ZFHX3: variants seen among roughly 807,000 people sequenced by gnomAD.
ZFHX3 encodes zinc finger homeobox 3.
A neutral mutation model predicts 279.1 loss-of-function variants in ZFHX3; 42 were observed. That is an observed-to-expected ratio of 0.15 (90% CI 0.12 to 0.19). ZFHX3 has a LOEUF of 0.19. ZFHX3 is among the 10% of genes least tolerant of loss of function. ZFHX3 has a pLI of 1.00. For missense variants in ZFHX3, 4,981 were observed against 4,754.0 expected (o/e 1.05, Z -1.40); for synonymous variants, 2,293 against 1,957.8 (o/e 1.17, Z -4.52).
chr16:72,853,960 A>AAAAAG (rs374264397), intron 4 of ZFHX3, among the ~76,000 whole-genome samples: 13 of 152,218 alleles, frequency 8.5e-5, no homozygotes, highest in Admixed American at 4.6e-4. Flanking sequence ...AGGAAAAAAA[A>AAAAAG]AAAAGAAAAG....
Position 72,825,236 on chromosome 16 carries a change from G to T in ZFHX3, c.3529+4543C>A, listed in dbSNP as rs1043498023. Reference sequence around the variant, plus strand: ...CGCTTTCAGACTGAGCACAACGCCAGCTCCTTACAAGACATATATCCATGG... The same window carrying T: ...CGCTTTCAGACTGAGCACAACGCCATCTCCTTACAAGACATATATCCATGG... On this transcript the variant is annotated intron_variant, in intron 5 of 9. Transcript: ENST00000268489. 4.7e-4 allele frequency among the ~76,000 whole-genome samples: 71 copies of T among 152,200 alleles called. 1 individual carries two copies. The highest frequency in any genetic ancestry group is 4.6e-3 in the Admixed American group (70 of 15,284).
chr16:73,511,838 T>C (rs2019433352), intron 2 of ZFHX3, among the ~76,000 whole-genome samples: 1 of 152,078 alleles, frequency 6.6e-6, no homozygotes, highest in Non-Finnish European at 1.5e-5. Flanking sequence ...ATTCAATAAT[T>C]TGGGTAGATG....
intron 3 of ZFHX3, among the ~76,000 whole-genome samples, chr16:73,369,840 T>TTC (rs141368995): frequency 0.2 from 28,231 of 143,568 alleles, 3,138 homozygotes; most frequent in African/African-American, 0.33. Context: ...GGATGGTCCT[T>TTC]TCTCTCTCTC....
chr16:73,594,170 AATATACTAAAT>A (rs2052026174), intron 2 of ZFHX3, among the ~76,000 whole-genome samples: 1 of 152,224 alleles, frequency 6.6e-6, no homozygotes, highest in Admixed American at 6.5e-5. Flanking sequence ...AGAGTTTGGC[AATATACTAAAT>A]CAATGGACAA....
chr16:73,688,356 C>A (rs78089049), intron 1 of ZFHX3, among the ~76,000 whole-genome samples: 149 of 103,670 alleles, frequency 1.4e-3, no homozygotes, highest in African/African-American at 1.8e-3. Flanking sequence ...GACTCCATCT[C>A]AAAAAAAAAA....
chr16:73,714,746 C>G (rs545683460), intron 1 of ZFHX3, among the ~76,000 whole-genome samples: 2 of 152,248 alleles, frequency 1.3e-5, no homozygotes, highest in South Asian at 4.2e-4. Flanking sequence ...TCCAAAATAT[C>G]CACTTCCCCT....
In ZFHX3 at chr16:72,904,573, T is replaced by A. The variant is rs4788485; in HGVS notation, c.3217-14611A>T. ...ATTTCAATCCTCCACTCCATTCCAC[T>A]TGCAATTAGACTTGTGTCAGTTCCC... is the stretch of plus-strand genomic sequence containing the variant. On this transcript the variant is annotated intron_variant, in intron 3 of 9. Transcript: ENST00000268489. 1.2e-3 allele frequency among the ~76,000 whole-genome samples: 176 copies of A among 151,766 alleles called. 1 individual carries two copies. The Middle Eastern group carries it at 0.027, about 23-fold the overall frequency.
rs1004805658 is a variant in ZFHX3 at position 73,037,025 on chromosome 16, G to A, written c.-50+10727C>T. On this transcript the variant is annotated intron_variant, in intron 1 of 9. Coordinates refer to ENST00000268489, the MANE Select transcript of ZFHX3 (RefSeq NM_006885.4). ...CTGCCCATTTCATCCTTACTGCTGC[G>A]CAAATAAAAGACCCTCACCCCACCC... is the stretch of plus-strand genomic sequence containing the variant. 5.3e-5 allele frequency among the ~76,000 whole-genome samples: 8 copies of A among 151,878 alleles called. 1 individual carries two copies. Among genetic ancestry groups the A allele is most frequent in the South Asian group, 2.1e-4 (1 of 4,792 alleles).
At chr16:73,663,556 G>A (rs1010824821) in intron 2 of ZFHX3, among the ~76,000 whole-genome samples, 7 of 152,192 alleles carry the variant, frequency 4.6e-5, no homozygotes, top group South Asian at 2.1e-4. Context: ...AAAAATAGAA[G>A]TCCTACTGGC....
At chr16:73,061,504 GATT>G (rs1303836384), upstream of ZFHX3, 1 of 147,474 alleles carries the variant, frequency 6.8e-6, no homozygotes, top group Non-Finnish European at 1.5e-5. Context: ...TCCGGTTTCT[GATT>G]ATTATTTTAA....
chr16:73,782,542 A>T (rs1402276558), intron 1 of ZFHX3, among the ~76,000 whole-genome samples: 1 of 152,146 alleles, frequency 6.6e-6, no homozygotes, highest in Non-Finnish European at 1.5e-5. Flanking sequence ...CCCCTTAGAG[A>T]ACATGAATAT....
At chr16:73,805,309 C>T (rs968479912) in intron 1 of ZFHX3, among the ~76,000 whole-genome samples, 2 of 152,132 alleles carry the variant, frequency 1.3e-5, no homozygotes, top group African/African-American at 4.8e-5. Context: ...GCTGGGATTA[C>T]AGGCACCTGC....
In ZFHX3 at chr16:72,785,164, C is replaced by CT. The variant is rs2035308489; in HGVS notation, c.*1999dup. 6.6e-6 allele frequency: 1 copy of CT among 152,608 alleles called. No homozygotes were observed. 9.5% of individuals were successfully genotyped at this position (152,608 alleles called of 1,614,324 possible). On this transcript the variant is annotated 3_prime_UTR_variant, in exon 10 of 10. Coordinates refer to ENST00000268489, the MANE Select transcript of ZFHX3 (RefSeq NM_006885.4). ...CTATGAAAGTGAAACAGCAAAGCAT[C>CT]TATTTATTTGTCTCCAAAATCTATG...
chr16:73,694,451 C>G (rs1318471590), intron 1 of ZFHX3, among the ~76,000 whole-genome samples: 2 of 152,104 alleles, frequency 1.3e-5, no homozygotes, highest in Admixed American at 1.3e-4. Flanking sequence ...TCAAGCAATT[C>G]TTCTGCCTCA....
chr16:72,921,257 A>T (rs1342771570), intron 3 of ZFHX3, among the ~76,000 whole-genome samples: 5 of 152,166 alleles, frequency 3.3e-5, no homozygotes, highest in African/African-American at 9.7e-5. Context: ...GGGTGGTGTC[A>T]TCAACGAAGC....
intron 3 of ZFHX3, among the ~76,000 whole-genome samples, chr16:73,388,267 G>A (rs1661303394): frequency 6.6e-6 from 1 of 152,096 alleles, no homozygotes. Flanking sequence ...TCCTAGGGTA[G>A]CAGGTTTTTA....
chr16:73,426,584 ATGTGTGTGTG>A (rs2017814062), intron 3 of ZFHX3, among the ~76,000 whole-genome samples: 1 of 151,838 alleles, frequency 6.6e-6, no homozygotes, highest in South Asian at 2.1e-4. Context: ...GTGTGTGTGC[ATGTGTGTGTG>A]TGAGAGAGAG....
At chr16:73,759,041 T>C (rs371141019) in intron 1 of ZFHX3, among the ~76,000 whole-genome samples, 14 of 152,334 alleles carry the variant, frequency 9.2e-5, no homozygotes, top group Admixed American at 5.9e-4. Context: ...TTTCCCCTGA[T>C]GCCATTGGTG....
rs35080897 is a variant in ZFHX3 at position 73,606,180 on chromosome 16, TAAAAAAAAAAAAAAAAAA to T, written c.-1547+73982_-1547+73999del. On this transcript the variant is annotated intron_variant, in intron 2 of 17. Transcript: ENST00000641206. ...CTGGGGGATTGAGCTAGGCTCCATC[TAAAAAAAAAAAAAAAAAA>T]AAAAAAAAAAAAAAAAAAATCCATG... Among the ~76,000 whole-genome samples, 18 of 35,214 alleles carry T rather than the reference TAAAAAAAAAAAAAAAAAA, an allele frequency of 5.1e-4. 1 individual carries two copies. Among genetic ancestry groups the T allele is most frequent in the East Asian group, 3.1e-3 (3 of 954 alleles). 23.1% of individuals were successfully genotyped at this position (35,214 alleles called of 152,430 possible). A position where few individuals can be genotyped will look rare whatever the true frequency, so the allele number is the denominator to read the frequency against.
Sources: gnomAD v4.1 joint callset for allele counts (sites outside exome capture counted in the v4.1 genomes callset) on GRCh38, gnomAD v4.1.1 for gene constraint, MANE v1.5 for transcripts, NCBI Gene and HGNC (gene_info 2026-07-23, HGNC 2026-07-21) for gene names.